The following PCDHA9 variants were observed in gnomAD, a reference collection of about 807,000 sequenced individuals.
PCDHA9 encodes the protein protocadherin alpha 9.
In PCDHA9, 62 loss-of-function variants were observed where a neutral mutation model predicts 62.0. The ratio of observed to expected loss-of-function variants is 1.00; its 90% confidence interval spans 0.81 to 1.23. PCDHA9 has a LOEUF of 1.23. Ranked by LOEUF, PCDHA9 falls within the 50% of genes most tolerant of loss-of-function variation. The probability of loss-of-function intolerance (pLI) is 0.00; values close to 1 mark genes in which losing one functional copy is unlikely to be tolerated. For missense variants in PCDHA9, 1,205 were observed against 1,249.8 expected, an observed-to-expected ratio of 0.96 and a Z score of 0.54; for synonymous variants, 557 against 567.6, an observed-to-expected ratio of 0.98 and a Z score of 0.27.
Position 140,848,456 on chromosome 5 carries a change from A to T in PCDHA9, c.-40A>T, listed in dbSNP as rs2150410759. 6.6e-7 allele frequency: 1 copy of T among 1,524,638 alleles called. No individual in the cohort carries two copies. Among genetic ancestry groups the T allele is most frequent in the South Asian group, 1.2e-5 (1 of 81,932 alleles). 94.4% of individuals were successfully genotyped at this position (1,524,638 alleles called of 1,614,324 possible). A position where few individuals can be genotyped will look rare whatever the true frequency, so the allele number is the denominator to read the frequency against. Reference sequence around the variant, plus strand: ...AATCAGATGATTTCTTCTAATTTGGAGGCAATTTTCACTAATTAGAAGAAG... The same window carrying T: ...AATCAGATGATTTCTTCTAATTTGGTGGCAATTTTCACTAATTAGAAGAAG... On this transcript the variant is annotated 5_prime_UTR_variant, in exon 1 of 4. Coordinates refer to ENST00000532602, the MANE Select transcript of PCDHA9 (RefSeq NM_031857.2).
At chr5:140,991,843 T>G (rs2097475576) in intron 3 of PCDHA9, among the ~76,000 whole-genome samples, 1 of 152,194 alleles carries the variant, frequency 6.6e-6, no homozygotes, top group Admixed American at 6.6e-5. Context: ...GAACCGCACT[T>G]CCAGATACCA....
rs543675270 is a variant in PCDHA9 at position 140,877,484 on chromosome 5, A to G, written c.2394+26595A>G. 2.3e-5 allele frequency: 37 copies of G among 1,613,814 alleles called. No individual in the cohort carries two copies. The highest frequency in any genetic ancestry group is 3.1e-5 in the Non-Finnish European group (36 of 1,179,856). On this transcript the variant is annotated intron_variant, in intron 1 of 3. Transcript: ENST00000532602. ...GCCACGGTGCTGGTGTCGCTGGTGG[A>G]GAACGGCCAGGCCCCAAAGACGTCG...
rs1478449575 is a variant in PCDHA9 at position 141,010,392 on chromosome 5, G to A, written c.*455G>A. The stretch of plus-strand genomic sequence containing the variant: ...GCGAGTGCCAGATATTGGCTGAGAC[G>A]AGCCAGCTTAGACTAATTGGTACAA... On this transcript the variant is annotated 3_prime_UTR_variant, in exon 4 of 4. Transcript: ENST00000532602. The A allele has an allele frequency of 8.0e-6, 11 of 1,381,722 alleles. No individual in the cohort carries two copies. The highest frequency in any genetic ancestry group is 7.3e-5 in the African/African-American group (5 of 68,772). The allele number at this position is 1,381,722 out of a possible 1,614,324, so 85.6% of individuals were successfully genotyped here. A position where few individuals can be genotyped will look rare whatever the true frequency, so the allele number is the denominator to read the frequency against.
At chr5:140,884,539 G>A (rs782320700) in intron 1 of PCDHA9, 78 of 1,613,968 alleles carry the variant, frequency 4.8e-5, no homozygotes, top group Non-Finnish European at 6.2e-5. Flanking sequence ...GGCGGCCGAG[G>A]GTGTGCTCTG....
At chr5:140,858,356 T>G (rs782216764) in intron 1 of PCDHA9, 1 of 1,593,100 alleles carries the variant, frequency 6.3e-7, no homozygotes, top group Non-Finnish European at 8.6e-7. Context: ...CCTCATGGCC[T>G]TCAGCCCCAG....
At chr5:140,895,332 G>C (rs1021596445) in intron 1 of PCDHA9, among the ~76,000 whole-genome samples, 1 of 151,584 alleles carries the variant, frequency 6.6e-6, no homozygotes, top group South Asian at 2.1e-4. Context: ...TTCTCAAATT[G>C]TTTTACTATG....
At chr5:140,877,995 T>A in intron 1 of PCDHA9, 1 of 1,054,404 alleles carries the variant, frequency 9.5e-7, no homozygotes. Context: ...AACTTTTATG[T>A]ATTTGTCTAA....
rs782776341 is a variant in PCDHA9 at position 140,884,056 on chromosome 5, G to A, written c.2394+33167G>A. On this transcript the variant is annotated intron_variant, in intron 1 of 3. Coordinates refer to ENST00000532602, the MANE Select transcript of PCDHA9 (RefSeq NM_031857.2). ...GCCACGTGGTGGCGAAGGTGCGCGC[G>A]GTGGACGCCGATTCGGGCTACAATG... 3.1e-6 allele frequency: 5 copies of A among 1,613,476 alleles called. No homozygotes were observed. In the South Asian group the frequency reaches 4.4e-5, roughly 14 times the overall value.
At chr5:140,877,299 C>G (rs374061607) in intron 1 of PCDHA9, 2 of 1,613,924 alleles carry the variant, frequency 1.2e-6, no homozygotes, top group Admixed American at 1.7e-5. Context: ...GGCTGTCCTA[C>G]GAGTTGCAAC....
intron 3 of PCDHA9, among the ~76,000 whole-genome samples, chr5:140,988,254 T>G (rs910037234): frequency 6.6e-6 from 1 of 152,188 alleles, no homozygotes; most frequent in East Asian, 1.9e-4. Context: ...AGCTCCCGCC[T>G]GTGAGTATCC....
intron 1 of PCDHA9, chr5:140,875,985 G>T: frequency 6.2e-7 from 1 of 1,613,950 alleles, no homozygotes; most frequent in South Asian, 1.1e-5. Context: ...TGACCTATGC[G>T]TTAAGTCTAA....
chr5:140,916,165 G>A (rs567070534), intron 1 of PCDHA9, among the ~76,000 whole-genome samples: 1 of 152,224 alleles, frequency 6.6e-6, no homozygotes, highest in East Asian at 1.9e-4. Context: ...AATGCTGCCA[G>A]GCCTGGGACT....
intron 1 of PCDHA9, chr5:140,966,338 A>C (rs2095992774): frequency 2.5e-6 from 1 of 394,586 alleles, no homozygotes; most frequent in Non-Finnish European, 4.5e-6. Flanking sequence ...CGGCAGGTCC[A>C]GGGTGAAGGA....
chr5:140,955,073 C>T (rs2095133365), intron 1 of PCDHA9, among the ~76,000 whole-genome samples: 1 of 152,146 alleles, frequency 6.6e-6, no homozygotes, highest in South Asian at 2.1e-4. Context: ...TGTTGAAGAT[C>T]AGATGGTTGT....
At chr5:140,978,791 A>G (rs1443899144) in intron 1 of PCDHA9, 158 bp from the exon 2 acceptor site, 1 of 976,042 alleles carries the variant, frequency 1.0e-6, no homozygotes, top group Non-Finnish European at 1.2e-6. Context: ...AAAGTGCTAT[A>G]TATGTAGATA....
chr5:140,857,186 G>A lies in PCDHA9; in HGVS notation c.2394+6297G>A, dbSNP rs782390373. On this transcript the variant is annotated intron_variant, in intron 1 of 3. Coordinates refer to ENST00000532602, the MANE Select transcript of PCDHA9 (RefSeq NM_031857.2). ...CAGCGTTTCTGACCATGATTCAGGA[G>A]CCAACGGACAGGTCACCTGCTCTCT... 5.0e-6 allele frequency: 8 copies of A among 1,598,548 alleles called. No individual in the cohort carries two copies. In the East Asian group the frequency reaches 1.8e-4, roughly 36 times the overall value.
At chr5:140,941,255 C>CTTTCTTTCTTTCTTTCTTTCTTTCTTTT (rs782490896) in intron 1 of PCDHA9, among the ~76,000 whole-genome samples, 1 of 44,508 alleles carries the variant, frequency 2.2e-5, no homozygotes, top group Non-Finnish European at 5.1e-5. Flanking sequence ...TTCTTTCTTT[C>CTTTCTTTCTTTCTTTCTTTCTTTCTTTT]TCTTTCTTTC....
intron 1 of PCDHA9, among the ~76,000 whole-genome samples, chr5:140,947,946 C>T (rs1396530064): frequency 2.0e-5 from 3 of 151,452 alleles, no homozygotes; most frequent in African/African-American, 7.3e-5. Flanking sequence ...AAAAGTGTTC[C>T]ATATTTTACA....
chr5:141,008,766 A>G (rs2098390228), intron 3 of PCDHA9, among the ~76,000 whole-genome samples: 1 of 152,246 alleles, frequency 6.6e-6, no homozygotes, highest in Non-Finnish European at 1.5e-5. Context: ...TTTGGCTTGG[A>G]AAGTAAAATT....
Sources: allele counts gnomAD v4.1 joint callset (sites outside exome capture counted in the v4.1 genomes callset), GRCh38; gene constraint gnomAD v4.1.1; transcripts MANE v1.5; gene names NCBI Gene and HGNC (gene_info 2026-07-23, HGNC 2026-07-21).